Variants in OSBPL10 observed in about 807,000 individuals in gnomAD.
OSBPL10 encodes oxysterol-binding protein-related protein 10.
Under a neutral mutation model 81.7 loss-of-function variants are expected in OSBPL10, and 49 were observed. The observed-to-expected ratio is 0.60, with a 90% CI of 0.48 to 0.76. The LOEUF is 0.76. OSBPL10 is among the 30% of genes least tolerant of loss of function. The pLI, the probability that OSBPL10 is intolerant of heterozygous loss-of-function variation, is 0.00. For missense variants in OSBPL10, 923 were observed against 987.8 expected, an observed-to-expected ratio of 0.93 and a Z score of 0.88; for synonymous variants, 419 against 383.6, an observed-to-expected ratio of 1.09 and a Z score of -1.08.
At chr3:31,939,611 C>T (rs1300082705) in intron 1 of OSBPL10, among the ~76,000 whole-genome samples, 2 of 152,060 alleles carry the variant, frequency 1.3e-5, no homozygotes, top group Non-Finnish European at 2.9e-5. Context: ...CCCCTAGCTA[C>T]AGTCAGCAGC....
intron 4 of OSBPL10, among the ~76,000 whole-genome samples, chr3:31,755,723 C>T (rs970544578): frequency 6.6e-6 from 1 of 152,186 alleles, no homozygotes; most frequent in East Asian, 1.9e-4. Context: ...ACATCCAAAG[C>T]TTTTTCTGGT....
upstream of OSBPL10, among the ~76,000 whole-genome samples, chr3:31,985,498 C>G (rs1385821068): frequency 6.6e-6 from 1 of 152,188 alleles, no homozygotes; most frequent in Non-Finnish European, 1.5e-5. Flanking sequence ...GAGCTGACTA[C>G]CCCATCTTCT....
At chr3:32,062,498 A>G (rs1380597674) in intron 1 of OSBPL10, among the ~76,000 whole-genome samples, 1 of 94,430 alleles carries the variant, frequency 1.1e-5, no homozygotes, top group African/African-American at 2.7e-5. Context: ...TTTCAGTTGT[A>G]TTTTCAATCA....
intron 1 of OSBPL10, among the ~76,000 whole-genome samples, chr3:31,959,531 T>C (rs1698103325): frequency 6.6e-6 from 1 of 152,146 alleles, no homozygotes; most frequent in South Asian, 2.1e-4. Context: ...GTTTTCGCCA[T>C]CACTCAAAGC....
At chr3:31,864,653 G>A (rs1701133567) in intron 3 of OSBPL10, among the ~76,000 whole-genome samples, 2 of 152,134 alleles carry the variant, frequency 1.3e-5, no homozygotes, top group Non-Finnish European at 2.9e-5. Flanking sequence ...GCATGGAGGT[G>A]TGCAGGGTGC....
intron 4 of OSBPL10, among the ~76,000 whole-genome samples, chr3:31,785,904 CCA>C (rs1370142011): frequency 6.6e-6 from 1 of 152,136 alleles, no homozygotes; most frequent in Non-Finnish European, 1.5e-5. Flanking sequence ...CATAAAATGG[CCA>C]CAGTTATGAT....
At chr3:32,068,760 A>G (rs1288562854) in intron 1 of OSBPL10, among the ~76,000 whole-genome samples, 2 of 151,874 alleles carry the variant, frequency 1.3e-5, no homozygotes, top group African/African-American at 4.8e-5. Flanking sequence ...TCTGTTCCCA[A>G]TGCAACTCAT....
At chr3:31,849,642 T>C (rs750892695) in intron 3 of OSBPL10, among the ~76,000 whole-genome samples, 2 of 151,930 alleles carry the variant, frequency 1.3e-5, no homozygotes, top group Admixed American at 6.5e-5. Flanking sequence ...ATACAAGAGA[T>C]TGGATAAGAC....
intron 4 of OSBPL10, among the ~76,000 whole-genome samples, chr3:31,782,012 C>T (rs749553710): frequency 6.6e-6 from 1 of 152,010 alleles, no homozygotes; most frequent in Non-Finnish European, 1.5e-5. Context: ...GACTAGGCAA[C>T]AAGAACAAAG....
In OSBPL10 at chr3:32,055,602, T is replaced by C. The variant is rs181328203; in HGVS notation, n.186-8999A>G. ...CTAGTTGTGAGTATTCTTATCAATA[T>C]AGTTATTTGCATAAGTGCAATAAGA... is the stretch of plus-strand genomic sequence containing the variant. On this transcript the variant is annotated intron_variant and non_coding_transcript_variant, in intron 1 of 3. Coordinates refer to the OSBPL10 transcript ENST00000479173. Among the ~76,000 whole-genome samples the C allele has an allele frequency of 2.7e-3, 414 of 152,360 alleles. 3 individuals are homozygous for C. Among genetic ancestry groups the C allele is most frequent in the African/African-American group, 9.4e-3 (390 of 41,576 alleles).
intron 2 of OSBPL10, among the ~76,000 whole-genome samples, chr3:32,013,730 G>C (rs1451950309): frequency 2.6e-5 from 4 of 151,858 alleles, no homozygotes; most frequent in Admixed American, 6.6e-5. Context: ...AGAGAAGAAT[G>C]AAATAGATGC....
At chr3:31,979,198 T>C (rs1342759101) in intron 1 of OSBPL10, among the ~76,000 whole-genome samples, 3 of 152,198 alleles carry the variant, frequency 2.0e-5, no homozygotes. Context: ...ATTCTACCTA[T>C]TCTTTTTCAG....
intron 8 of OSBPL10, among the ~76,000 whole-genome samples, chr3:31,679,480 T>C (rs918026140): frequency 2.0e-5 from 3 of 152,184 alleles, no homozygotes; most frequent in African/African-American, 4.8e-5. Context: ...GATAAGTGAA[T>C]GGGTAAATGA....
At chr3:31,753,491 T>C (rs1341517888) in intron 4 of OSBPL10, among the ~76,000 whole-genome samples, 2 of 152,148 alleles carry the variant, frequency 1.3e-5, no homozygotes, top group Non-Finnish European at 2.9e-5. Context: ...GGCCGCTTTA[T>C]GGATCATTAA....
intron 3 of OSBPL10, among the ~76,000 whole-genome samples, chr3:31,838,153 C>T (rs1700405280): frequency 6.6e-6 from 1 of 152,178 alleles, no homozygotes; most frequent in African/African-American, 2.4e-5. Context: ...CGCACACATA[C>T]AAACACATAC....
intron 5 of OSBPL10, among the ~76,000 whole-genome samples, chr3:31,745,170 T>C (rs558259759): frequency 6.6e-6 from 1 of 152,346 alleles, no homozygotes; most frequent in South Asian, 2.1e-4. Flanking sequence ...TCTCCTAGAC[T>C]GGATTCTGCA....
At chr3:31,860,521 C>G (rs1259595420) in intron 3 of OSBPL10, among the ~76,000 whole-genome samples, 2 of 152,136 alleles carry the variant, frequency 1.3e-5, no homozygotes, top group Non-Finnish European at 2.9e-5. Context: ...ACTGAACGAC[C>G]AAGGAGGCTA....
intron 8 of OSBPL10, among the ~76,000 whole-genome samples, chr3:31,675,232 G>A (rs1273890794): frequency 2.0e-5 from 3 of 152,162 alleles, no homozygotes; most frequent in Non-Finnish European, 4.4e-5. Flanking sequence ...TCTACAGACT[G>A]GAAACACACA....
intron 1 of OSBPL10, among the ~76,000 whole-genome samples, chr3:31,950,047 A>G (rs943419854): frequency 4.6e-5 from 7 of 152,168 alleles, no homozygotes; most frequent in Non-Finnish European, 8.8e-5. Flanking sequence ...CTTCCAGGGT[A>G]TCCGAAAAGG....
Sources: gnomAD v4.1 joint callset for allele counts (sites outside exome capture counted in the v4.1 genomes callset) on GRCh38, gnomAD v4.1.1 for gene constraint, MANE v1.5 for transcripts, NCBI Gene and HGNC (gene_info 2026-07-23, HGNC 2026-07-21) for gene names.